PRKCE: variants seen among roughly 807,000 people sequenced by gnomAD.
PRKCE encodes the protein protein kinase C epsilon, also known as protein kinase C epsilon type.
PRKCE carries 16 observed loss-of-function variants against 85.4 expected under a neutral mutation model. That is an observed-to-expected ratio of 0.19 (90% CI 0.13 to 0.28). The LOEUF is 0.28. Among genes scored for constraint, PRKCE ranks in the 10% least tolerant of loss-of-function variants. The probability of loss-of-function intolerance (pLI) is 1.00; values close to 1 mark genes in which losing one functional copy is unlikely to be tolerated. For missense variants in PRKCE, 573 were observed against 975.2 expected (o/e 0.59, Z 5.49); for synonymous variants, 388 against 371.5 (o/e 1.04, Z -0.51).
chr2:46,083,131 T>C (rs1669257537), intron 10 of PRKCE, among the ~76,000 whole-genome samples: 1 of 152,166 alleles, frequency 6.6e-6, no homozygotes, highest in African/African-American at 2.4e-5. Flanking sequence ...TTGTATTTTT[T>C]GTATAGACAG....
chr2:46,106,563 C>T (rs1268894640), intron 11 of PRKCE, among the ~76,000 whole-genome samples: 1 of 152,202 alleles, frequency 6.6e-6, no homozygotes, highest in Non-Finnish European at 1.5e-5. Flanking sequence ...CAGCAAATTC[C>T]AAGGGCCATA....
At chr2:45,940,781 G>A (rs937028646) in intron 2 of PRKCE, among the ~76,000 whole-genome samples, 18 of 152,034 alleles carry the variant, frequency 1.2e-4, no homozygotes, top group African/African-American at 3.4e-4. Context: ...GCACCTGGCC[G>A]GGCGTGGTGG....
intron 2 of PRKCE, among the ~76,000 whole-genome samples, chr2:45,875,095 C>G (rs1300570123): frequency 6.6e-6 from 1 of 152,212 alleles, no homozygotes; most frequent in Non-Finnish European, 1.5e-5. Flanking sequence ...CAGGTACCCT[C>G]AGATGCTACA....
chr2:45,781,140 C>T (rs1056497986), intron 1 of PRKCE, among the ~76,000 whole-genome samples: 5 of 151,746 alleles, frequency 3.3e-5, no homozygotes, highest in Non-Finnish European at 1.5e-5. Flanking sequence ...CAAGACCAGC[C>T]TGGGCAACAT....
intron 1 of PRKCE, among the ~76,000 whole-genome samples, chr2:45,712,183 T>C (rs1679711611): frequency 7.0e-6 from 1 of 142,760 alleles, no homozygotes; most frequent in Non-Finnish European, 1.5e-5. Context: ...GTTTTGCTCT[T>C]GTTCCCCAGG....
intron 1 of PRKCE, among the ~76,000 whole-genome samples, chr2:45,826,609 G>A (rs746249811): frequency 4.6e-5 from 7 of 152,006 alleles, no homozygotes; most frequent in African/African-American, 9.7e-5. Flanking sequence ...CCTTCCCCCC[G>A]AACTTCAGAT....
chr2:45,847,143 C>T (rs979611120), intron 2 of PRKCE, among the ~76,000 whole-genome samples: 1 of 152,212 alleles, frequency 6.6e-6, no homozygotes, highest in Admixed American at 6.5e-5. Context: ...ATTGTCACTC[C>T]ATTTATTCCT....
intron 1 of PRKCE, among the ~76,000 whole-genome samples, chr2:45,810,376 A>G (rs1219870326): frequency 2.0e-5 from 3 of 152,218 alleles, no homozygotes; most frequent in African/African-American, 7.2e-5. Flanking sequence ...ACTCTTGACT[A>G]TGAAACAAAT....
At chr2:45,948,083 A>G (rs1700359609) in intron 2 of PRKCE, among the ~76,000 whole-genome samples, 1 of 152,230 alleles carries the variant, frequency 6.6e-6, no homozygotes, top group African/African-American at 2.4e-5. Context: ...TAACTGGAGA[A>G]CAATTTGTGA....
intron 2 of PRKCE, among the ~76,000 whole-genome samples, chr2:45,881,439 T>A (rs1409093484): frequency 6.6e-6 from 1 of 152,202 alleles, no homozygotes; most frequent in African/African-American, 2.4e-5. Flanking sequence ...TTGGATATAA[T>A]GGTACTTAAA....
chr2:46,038,803 A>C (rs1558382044), intron 10 of PRKCE, among the ~76,000 whole-genome samples: 1 of 151,976 alleles, frequency 6.6e-6, no homozygotes, highest in Non-Finnish European at 1.5e-5. Flanking sequence ...TCTTCTACCA[A>C]CTCCAAACAG....
chr2:46,020,371 A>G (rs916691650), intron 10 of PRKCE, among the ~76,000 whole-genome samples: 4 of 151,986 alleles, frequency 2.6e-5, no homozygotes, highest in African/African-American at 9.7e-5. Flanking sequence ...AAAACAGTTT[A>G]AAACCACTAC....
intron 10 of PRKCE, among the ~76,000 whole-genome samples, chr2:46,062,969 A>G (rs1667293163): frequency 6.6e-6 from 1 of 152,240 alleles, no homozygotes; most frequent in South Asian, 2.1e-4. Context: ...TAAATCAATT[A>G]CATACAAATC....
At chr2:45,881,995 G>A (rs571455947) in intron 2 of PRKCE, among the ~76,000 whole-genome samples, 12 of 152,268 alleles carry the variant, frequency 7.9e-5, no homozygotes, top group Admixed American at 5.9e-4. Flanking sequence ...TTTCCAAAGC[G>A]CTGATATGTC....
At chr2:46,015,867 G>A (rs1437074547) in intron 10 of PRKCE, among the ~76,000 whole-genome samples, 2 of 152,198 alleles carry the variant, frequency 1.3e-5, no homozygotes, top group Non-Finnish European at 2.9e-5. Context: ...CGAAGGAGTT[G>A]GAGAGTGTGT....
chr2:45,859,690 A>T (rs1573637322), intron 2 of PRKCE, among the ~76,000 whole-genome samples: 1 of 152,176 alleles, frequency 6.6e-6, no homozygotes, highest in African/African-American at 2.4e-5. Flanking sequence ...GTATTGCAAT[A>T]TCTTCCCCTC....
At chr2:45,696,556 G>T (rs1440978268) in intron 1 of PRKCE, among the ~76,000 whole-genome samples, 1 of 152,080 alleles carries the variant, frequency 6.6e-6, no homozygotes, top group Non-Finnish European at 1.5e-5. Flanking sequence ...TCCCCACAGG[G>T]CTGTGTGGTG....
intron 14 of PRKCE, among the ~76,000 whole-genome samples, chr2:46,174,958 T>A (rs1245541373): frequency 6.6e-6 from 1 of 152,236 alleles, no homozygotes; most frequent in African/African-American, 2.4e-5. Context: ...CCAGAAGTGC[T>A]GGGATTACAG....
At chr2:46,087,845 T>A (rs1048351941) in intron 11 of PRKCE, among the ~76,000 whole-genome samples, 1 of 152,208 alleles carries the variant, frequency 6.6e-6, no homozygotes, top group Non-Finnish European at 1.5e-5. Context: ...AGAATTTTTT[T>A]CCTTGCAGCT....
Sources: gnomAD v4.1 joint callset for allele counts (sites outside exome capture counted in the v4.1 genomes callset) on GRCh38, gnomAD v4.1.1 for gene constraint, MANE v1.5 for transcripts, NCBI Gene and HGNC (gene_info 2026-07-23, HGNC 2026-07-21) for gene names.